WDR44: variants seen among roughly 807,000 people sequenced by gnomAD.
WDR44 encodes WD repeat-containing protein 44.
Under a neutral mutation model 65.7 loss-of-function variants are expected in WDR44, and 9 were observed. That is an observed-to-expected ratio of 0.14 (90% CI 0.08 to 0.24). The LOEUF (loss-of-function observed/expected upper bound fraction) is 0.24, where lower values mean the gene tolerates loss of function less well. WDR44 is among the 10% of genes least tolerant of loss of function. The pLI, the probability that WDR44 is intolerant of heterozygous loss-of-function variation, is 1.00. For missense variants in WDR44, 425 were observed against 670.9 expected, an observed-to-expected ratio of 0.63 and a Z score of 4.05; for synonymous variants, 220 against 235.2, an observed-to-expected ratio of 0.94 and a Z score of 0.59.
chrX:118,352,726 T>A (rs140401037), intron 1 of WDR44, among the ~76,000 whole-genome samples: 3 of 109,847 alleles, frequency 2.7e-5, no homozygotes, highest in Non-Finnish European at 5.7e-5. Context: ...CTCCTCATAC[T>A]CTGCAATTTT....
chrX:118,373,632 A>G (rs2056633162), intron 1 of WDR44, among the ~76,000 whole-genome samples: 1 of 111,526 alleles, frequency 9.0e-6, no homozygotes, highest in Non-Finnish European at 1.9e-5. Context: ...CACCAGTTAC[A>G]GTGTTTTCAT....
Position 118,421,676 on chromosome X carries a change from A to T in WDR44, c.1737+10717A>T, listed in dbSNP as rs924789219. The stretch of plus-strand genomic sequence containing the variant: ...AATATATAAAAGTATTGTACAGTCG[A>T]ACATACAGAGTGATGTACCCAAGAT... On this transcript the variant is annotated intron_variant, in intron 12 of 19. Coordinates refer to ENST00000254029, the MANE Select transcript of WDR44 (RefSeq NM_019045.5). Among the ~76,000 whole-genome samples the T allele has an allele frequency of 8.9e-5, 10 of 111,914 alleles. 1 individual carries two copies. Among genetic ancestry groups the T allele is most frequent in the Admixed American group, 1.9e-4 (2 of 10,491 alleles).
At chrX:118,405,283 A>G (rs1182133637) in intron 9 of WDR44, among the ~76,000 whole-genome samples, 3 of 109,276 alleles carry the variant, frequency 2.7e-5, no homozygotes, top group Non-Finnish European at 3.8e-5. Flanking sequence ...TGATCCACCC[A>G]CTTCTACCTC....
At chrX:118,375,025 T>C (rs192209516) in intron 1 of WDR44, among the ~76,000 whole-genome samples, 146 of 111,972 alleles carry the variant, frequency 1.3e-3, no homozygotes, top group Admixed American at 2.8e-3. Context: ...TACACAGTTA[T>C]ATGTAAAGCC....
rs189731348 is a variant in WDR44 at position 118,439,508 on chromosome X, G to A, written c.1975-1860G>A. On this transcript the variant is annotated intron_variant, in intron 14 of 19. Coordinates refer to ENST00000254029, the MANE Select transcript of WDR44 (RefSeq NM_019045.5). The stretch of plus-strand genomic sequence containing the variant: ...GGAGAATTGCTTGAGCCAAGGAGGC[G>A]GAGGTTGCAGTGAGCCAAGATTGTA... 3.6e-3 allele frequency among the ~76,000 whole-genome samples: 393 copies of A among 110,201 alleles called. 1 individual carries two copies. The highest frequency in any genetic ancestry group is 0.012 in the African/African-American group (367 of 30,267).
At chrX:118,406,117 G>C (rs1258991968) in intron 9 of WDR44, among the ~76,000 whole-genome samples, 1 of 112,139 alleles carries the variant, frequency 8.9e-6, no homozygotes, top group Non-Finnish European at 1.9e-5. Flanking sequence ...TCCAACCTGA[G>C]ACCCTGTCTT....
At position 118,449,000 on chromosome X, in the gene WDR44, T is replaced by C. The variant is rs761999930; in HGVS notation, c.*13T>C. Reference sequence around the variant, plus strand: ...AAATGTATCTTAATTTGAAATGGCATTTAAAATAAACATATCAGTAAGTTT... The same window carrying C: ...AAATGTATCTTAATTTGAAATGGCACTTAAAATAAACATATCAGTAAGTTT... On this transcript the variant is annotated 3_prime_UTR_variant, in exon 20 of 20. Transcript: ENST00000254029. The C allele has an allele frequency of 1.9e-5, 21 of 1,106,405 alleles. No individual in the cohort carries two copies. In the African/African-American group the frequency reaches 3.1e-4, roughly 16 times the overall value. 91.2% of individuals were successfully genotyped at this position (1,106,405 alleles called of 1,213,427 possible). A position where few individuals can be genotyped will look rare whatever the true frequency, so the allele number is the denominator to read the frequency against.
intron 10 of WDR44, among the ~76,000 whole-genome samples, chrX:118,408,059 G>A (rs956754314): frequency 1.8e-5 from 2 of 111,811 alleles, no homozygotes; most frequent in East Asian, 2.8e-4. Flanking sequence ...GTATTGACTC[G>A]TTATTTCCTG....
At chrX:118,426,159 T>C (rs930134346) in intron 12 of WDR44, among the ~76,000 whole-genome samples, 1 of 112,017 alleles carries the variant, frequency 8.9e-6, no homozygotes, top group Admixed American at 9.5e-5. Context: ...GGTATGAGAA[T>C]GGCACGGTAA....
intron 12 of WDR44, among the ~76,000 whole-genome samples, chrX:118,427,141 C>T (rs1316480905): frequency 1.8e-5 from 2 of 111,316 alleles, no homozygotes; most frequent in Non-Finnish European, 3.8e-5. Flanking sequence ...GAGTCTCCCT[C>T]TGTCACCCAT....
intron 1 of WDR44, among the ~76,000 whole-genome samples, chrX:118,359,484 A>G (rs2056493395): frequency 8.9e-6 from 1 of 112,266 alleles, no homozygotes; most frequent in Admixed American, 9.5e-5. Flanking sequence ...TTTTAGGAAT[A>G]TGGCATAAAG....
At chrX:118,368,083 T>A (rs2056569608) in intron 1 of WDR44, among the ~76,000 whole-genome samples, 1 of 111,577 alleles carries the variant, frequency 9.0e-6, no homozygotes, top group Non-Finnish European at 1.9e-5. Context: ...AATTAGAGAG[T>A]CAGGTTTAGC....
rs560569201 is a variant in WDR44 at position 118,378,598 on chromosome X, A to G, written c.111+146A>G. The G allele has an allele frequency of 1.1e-5, 5 of 454,935 alleles. No individual in the cohort carries two copies. The South Asian group carries it at 1.7e-4, about 16-fold the overall frequency. 37.5% of individuals were successfully genotyped at this position (454,935 alleles called of 1,213,427 possible). On this transcript the variant is annotated intron_variant, in intron 2 of 19. Transcript: ENST00000254029. ...AGTCATTATGTCCTACTTGGTATAC[A>G]TAGGTACTCTAGAAATACCTAACTA...
At chrX:118,445,219 C>T (rs1451783802) in intron 19 of WDR44, 15 of 205,753 alleles carry the variant, frequency 7.3e-5, no homozygotes, top group South Asian at 6.7e-4. Context: ...GGTGTGAGCC[C>T]GGGAGGCAGA....
At chrX:118,417,742 G>A (rs929049747) in intron 12 of WDR44, among the ~76,000 whole-genome samples, 6 of 111,795 alleles carry the variant, frequency 5.4e-5, no homozygotes, top group Non-Finnish European at 9.4e-5. Context: ...GAGCAAGGCC[G>A]GGGAAGTTTT....
chrX:118,375,065 A>G (rs903603786), intron 1 of WDR44, among the ~76,000 whole-genome samples: 13 of 111,932 alleles, frequency 1.2e-4, no homozygotes, highest in Admixed American at 2.9e-4. Context: ...ATATTTCCAT[A>G]TATTTCCATG....
Position 118,448,951 on chromosome X carries a change from C to A in WDR44, c.2706C>A (p.Ile902=). Residue 902 remains isoleucine, a synonymous_variant, in exon 20 of 20, where the codon ATC becomes ATA. Transcript: ENST00000254029. ...TCTCTGCTGACTTCACTGGAGCAATCAAAGTGTTTGTTAATAAAAGAAAAA... is the reference window on the plus strand; with the variant it reads ...TCTCTGCTGACTTCACTGGAGCAATAAAAGTGTTTGTTAATAAAAGAAAAA... ...VLLSADFTGA[I]KVFVNKRKNV... The A allele has an allele frequency of 8.4e-7, 1 of 1,195,632 alleles. No homozygotes were observed. Among genetic ancestry groups the A allele is most frequent in the Admixed American group, 2.2e-5 (1 of 44,519 alleles).
intron 1 of WDR44, among the ~76,000 whole-genome samples, chrX:118,367,747 C>T (rs767624866): frequency 2.7e-5 from 3 of 110,948 alleles, no homozygotes; most frequent in African/African-American, 9.8e-5. Flanking sequence ...TTAATTTAAC[C>T]GATGGCATAA....
intron 1 of WDR44, among the ~76,000 whole-genome samples, chrX:118,348,556 AGAG>A (rs1222635442): frequency 8.9e-6 from 1 of 112,206 alleles, no homozygotes; most frequent in African/African-American, 3.2e-5. Context: ...TTTCTGTATT[AGAG>A]GATTGGAAAG....
Sources: allele counts gnomAD v4.1 joint callset (sites outside exome capture counted in the v4.1 genomes callset), GRCh38; gene constraint gnomAD v4.1.1; transcripts MANE v1.5; gene names NCBI Gene and HGNC (gene_info 2026-07-23, HGNC 2026-07-21).